Variants in SEMA5A observed in about 807,000 individuals in gnomAD.
SEMA5A encodes the protein semaphorin 5A.
SEMA5A carries 55 observed loss-of-function variants against 135.5 expected under a neutral mutation model. That is an observed-to-expected ratio of 0.41 (90% CI 0.33 to 0.51). SEMA5A has a LOEUF of 0.51. Among genes scored for constraint, SEMA5A ranks in the 20% least tolerant of loss-of-function variants. SEMA5A has a pLI of 0.37. For missense variants in SEMA5A, 1,290 were observed against 1,419.9 expected (o/e 0.91, Z 1.47); for synonymous variants, 580 against 546.5 (o/e 1.06, Z -0.85).
chr5:9,069,265 C>T lies in SEMA5A; in HGVS notation c.2074-2619G>A, dbSNP rs997968740. 4.6e-5 allele frequency among the ~76,000 whole-genome samples: 7 copies of T among 152,312 alleles called. No individual in the cohort carries two copies. In the East Asian group the frequency reaches 5.8e-4, roughly 13 times the overall value. ...AGATGCCAGCCAACAGCTAGCCTTGCGAGCAGGCCTTTCTAAGAATCACAG... is the reference window on the plus strand; with the variant it reads ...AGATGCCAGCCAACAGCTAGCCTTGTGAGCAGGCCTTTCTAAGAATCACAG... On this transcript the variant is annotated intron_variant, in intron 16 of 22. Transcript: ENST00000382496.
chr5:9,517,178 C>T (rs1048588722), intron 1 of SEMA5A: 1 of 152,216 alleles, frequency 6.6e-6, no homozygotes, highest in African/African-American at 2.4e-5. Context: ...CTTGTGGCCA[C>T]TACTGAACTA....
chr5:9,500,215 C>G (rs572265206), intron 1 of SEMA5A, among the ~76,000 whole-genome samples: 1 of 152,180 alleles, frequency 6.6e-6, no homozygotes, highest in African/African-American at 2.4e-5. Context: ...TAATCCTCAG[C>G]TCATTTTATG....
At chr5:9,135,767 C>T (rs1264618501) in intron 13 of SEMA5A, among the ~76,000 whole-genome samples, 1 of 151,958 alleles carries the variant, frequency 6.6e-6, no homozygotes, top group Non-Finnish European at 1.5e-5. Flanking sequence ...TCTATGAGAA[C>T]ACATAAGAGA....
At chr5:9,373,049 G>A (rs912718607) in intron 3 of SEMA5A, among the ~76,000 whole-genome samples, 2 of 152,138 alleles carry the variant, frequency 1.3e-5, no homozygotes, top group Non-Finnish European at 2.9e-5. Flanking sequence ...ATATGCACAT[G>A]GCCACATTAG....
chr5:9,473,501 G>A (rs1251794899), intron 1 of SEMA5A, among the ~76,000 whole-genome samples: 3 of 150,922 alleles, frequency 2.0e-5, no homozygotes, highest in South Asian at 2.1e-4. Context: ...CTACCAAGAC[G>A]AAGGCAGAGA....
chr5:9,266,920 G>T (rs1262161184), intron 5 of SEMA5A, among the ~76,000 whole-genome samples: 1 of 152,234 alleles, frequency 6.6e-6, no homozygotes, highest in Admixed American at 6.5e-5. Flanking sequence ...TACCTAACTA[G>T]GTACAAAATG....
chr5:9,138,176 T>G (rs753020406), intron 12 of SEMA5A, among the ~76,000 whole-genome samples: 13 of 152,222 alleles, frequency 8.5e-5, no homozygotes, highest in Admixed American at 2.0e-4. Context: ...TTAAAACTCC[T>G]TGATATGCGA....
At chr5:9,384,516 AG>A (rs1180323774) in intron 2 of SEMA5A, among the ~76,000 whole-genome samples, 1 of 151,520 alleles carries the variant, frequency 6.6e-6, no homozygotes, top group Non-Finnish European at 1.5e-5. Flanking sequence ...CCCCTGGTTG[AG>A]AACCTCTGCT....
chr5:9,286,107 A>G (rs1372936007), intron 5 of SEMA5A, among the ~76,000 whole-genome samples: 1 of 152,180 alleles, frequency 6.6e-6, no homozygotes, highest in Non-Finnish European at 1.5e-5. Context: ...TGATATTTAT[A>G]TCTTTGTATA....
At chr5:9,177,828 G>A (rs1744284128) in intron 11 of SEMA5A, among the ~76,000 whole-genome samples, 1 of 152,218 alleles carries the variant, frequency 6.6e-6, no homozygotes, top group South Asian at 2.1e-4. Flanking sequence ...ACTGGAAATG[G>A]ACACACGGGG....
chr5:9,168,591 T>C (rs1393735122), intron 11 of SEMA5A, among the ~76,000 whole-genome samples: 2 of 152,222 alleles, frequency 1.3e-5, no homozygotes, highest in African/African-American at 4.8e-5. Context: ...TCTTTCCATA[T>C]ATTAAAACTG....
intron 1 of SEMA5A, among the ~76,000 whole-genome samples, chr5:9,494,915 T>C (rs1018271038): frequency 6.6e-6 from 1 of 152,208 alleles, no homozygotes; most frequent in Non-Finnish European, 1.5e-5. Flanking sequence ...TTCAAGGTTC[T>C]TCCTAAGAAA....
At chr5:9,437,605 G>T (rs1758079091) in intron 2 of SEMA5A, among the ~76,000 whole-genome samples, 151 bp downstream of exon 2, 1 of 152,184 alleles carries the variant, frequency 6.6e-6, no homozygotes, top group Non-Finnish European at 1.5e-5. Context: ...GCCTGCCTCA[G>T]CCTCCCAAAA....
At chr5:9,080,139 A>C (rs898313246) in intron 16 of SEMA5A, among the ~76,000 whole-genome samples, 1 of 152,224 alleles carries the variant, frequency 6.6e-6, no homozygotes, top group African/African-American at 2.4e-5. Context: ...AAAGACCTGG[A>C]AACAACCCAA....
intron 1 of SEMA5A, among the ~76,000 whole-genome samples, chr5:9,534,109 T>C (rs1044718939): frequency 6.6e-6 from 1 of 152,224 alleles, no homozygotes; most frequent in African/African-American, 2.4e-5. Flanking sequence ...GAAGGCTTAA[T>C]TAAACCCAGT....
chr5:9,504,878 C>A (rs540377483), intron 1 of SEMA5A, among the ~76,000 whole-genome samples: 1 of 152,234 alleles, frequency 6.6e-6, no homozygotes, highest in Non-Finnish European at 1.5e-5. Context: ...TATGTTATAT[C>A]CTCATTTTTC....
chr5:9,071,399 T>A (rs1403604721), intron 16 of SEMA5A, among the ~76,000 whole-genome samples: 2 of 152,212 alleles, frequency 1.3e-5, no homozygotes, highest in Non-Finnish European at 2.9e-5. Flanking sequence ...TGCCTATTTA[T>A]AATTCTGCAT....
intron 12 of SEMA5A, among the ~76,000 whole-genome samples, chr5:9,150,848 G>C (rs1240900480): frequency 6.6e-6 from 1 of 152,216 alleles, no homozygotes; most frequent in East Asian, 1.9e-4. Context: ...GCTTCTGCCT[G>C]TCTGGGTACT....
chr5:9,109,289 C>T (rs1389914524), intron 15 of SEMA5A, among the ~76,000 whole-genome samples: 1 of 152,084 alleles, frequency 6.6e-6, no homozygotes, highest in African/African-American at 2.4e-5. Context: ...ATCCGCCCGC[C>T]TCGGCCTCCC....
Sources: gnomAD v4.1 joint callset for allele counts (sites outside exome capture counted in the v4.1 genomes callset) on GRCh38, gnomAD v4.1.1 for gene constraint, MANE v1.5 for transcripts, NCBI Gene and HGNC (gene_info 2026-07-23, HGNC 2026-07-21) for gene names.